The following LEPROT variants were observed in gnomAD, a reference collection of about 807,000 sequenced individuals.
LEPROT encodes leptin receptor gene-related protein.
LEPROT carries 3 observed loss-of-function variants against 15.4 expected under a neutral mutation model. The ratio of observed to expected loss-of-function variants is 0.19; its 90% CI spans 0.09 to 0.50. The LOEUF is 0.50. Among genes scored for constraint, LEPROT ranks in the 20% least tolerant of loss-of-function variants. The pLI is 0.97. For missense variants in LEPROT, 137 were observed against 162.2 expected (o/e 0.84, Z 0.84); for synonymous variants, 59 against 57.5 (o/e 1.03, Z -0.12).
Position 65,425,281 on chromosome 1 carries a change from C to CT in LEPROT, c.17-18dup, listed in dbSNP as rs1646338467. On this transcript the variant is annotated intron_variant, in intron 1 of 3. Coordinates refer to ENST00000371065, the MANE Select transcript of LEPROT (RefSeq NM_017526.5). Reference sequence around the variant, plus strand: ...ACAACCTCTACTGTGGGAACTTTAACTTTTGGCTTTATTTTTCACAGCTCT... The same window carrying CT: ...ACAACCTCTACTGTGGGAACTTTAACTTTTTGGCTTTATTTTTCACAGCTCT... 1.9e-6 allele frequency: 3 copies of CT among 1,610,610 alleles called. No homozygotes were observed. The African/African-American group carries it at 4.0e-5, about 22-fold the overall frequency.
At chr1:65,425,450 G>T in intron 2 of LEPROT, 72 bp downstream of exon 2, 2 of 1,350,608 alleles carry the variant, frequency 1.5e-6, no homozygotes, top group Non-Finnish European at 1.0e-6. Context: ...GTGTTAGAGA[G>T]TTCGGTCAAT....
chr1:65,435,039 C>G lies in LEPROT; in HGVS notation c.*3120C>G. 24 of 985,462 alleles carry G rather than the reference C, an allele frequency of 2.4e-5. No homozygotes were observed. The highest frequency in any genetic ancestry group is 2.9e-5 in the Non-Finnish European group (24 of 829,960). 61.0% of individuals were successfully genotyped at this position (985,462 alleles called of 1,614,324 possible). A position where few individuals can be genotyped will look rare whatever the true frequency, so the allele number is the denominator to read the frequency against. The stretch of plus-strand genomic sequence containing the variant: ...GAGAATGCCTCATAACCCACTGATT[C>G]TCATTCACAGAGAATGGGAGAACGG... On this transcript the variant is annotated 3_prime_UTR_variant, in exon 4 of 4. Coordinates refer to ENST00000371065, the MANE Select transcript of LEPROT (RefSeq NM_017526.5).
At position 65,425,746 on chromosome 1, in the gene LEPROT, G is replaced by A. The variant is rs543079614; in HGVS notation, c.92+368G>A. 2.6e-4 allele frequency among the ~76,000 whole-genome samples: 39 copies of A among 152,294 alleles called. 1 individual carries two copies. The highest frequency in any genetic ancestry group is 1.7e-3 in the South Asian group (8 of 4,818). Reference sequence around the variant, plus strand: ...ATGCCAGCACAGTACGCTGGAGCTCGGATAAAGTGCACCTGAGTTTCAGTG... The same window carrying A: ...ATGCCAGCACAGTACGCTGGAGCTCAGATAAAGTGCACCTGAGTTTCAGTG... On this transcript the variant is annotated intron_variant, in intron 2 of 3. Transcript: ENST00000371065.
intron 2 of LEPROT, 21 bp downstream of exon 2, chr1:65,425,399 G>T (rs1188259997): frequency 1.3e-6 from 2 of 1,576,306 alleles, no homozygotes. Context: ...ATTTCAAAAA[G>T]AACTATTCCT....
At chr1:65,427,128 T>A (rs1646392673) in intron 2 of LEPROT, among the ~76,000 whole-genome samples, 1 of 152,212 alleles carries the variant, frequency 6.6e-6, no homozygotes. Flanking sequence ...CCAAGAGGGA[T>A]CCAGATATAA....
At chr1:65,424,348 C>T (rs2101676807) in intron 1 of LEPROT, among the ~76,000 whole-genome samples, 1 of 152,214 alleles carries the variant, frequency 6.6e-6, no homozygotes, top group South Asian at 2.1e-4. Flanking sequence ...GGAGGCAGTT[C>T]TGGATATAAT....
chr1:65,434,458 G>A lies in LEPROT; in HGVS notation c.*2539G>A. 1.0e-6 allele frequency: 1 copy of A among 985,296 alleles called. No individual in the cohort carries two copies. Among genetic ancestry groups the A allele is most frequent in the Middle Eastern group, 5.2e-4 (1 of 1,914 alleles). 61.0% of individuals were successfully genotyped at this position (985,296 alleles called of 1,614,324 possible). The stretch of plus-strand genomic sequence containing the variant: ...TTCTTTATCATGTTTCAAACAAGTG[G>A]GTTACAAGCAGACTTTGAGACACTT... On this transcript the variant is annotated 3_prime_UTR_variant, in exon 4 of 4. Transcript: ENST00000371065.
At position 65,433,382 on chromosome 1, in the gene LEPROT, T is replaced by C. The variant is rs1156443027; in HGVS notation, c.*1463T>C. 2 of 985,352 alleles carry C rather than the reference T, an allele frequency of 2.0e-6. No individual in the cohort carries two copies. The highest frequency in any genetic ancestry group is 2.4e-6 in the Non-Finnish European group (2 of 829,952). The allele number at this position is 985,352 out of a possible 1,614,324, so 61.0% of individuals were successfully genotyped here. A position where few individuals can be genotyped will look rare whatever the true frequency, so the allele number is the denominator to read the frequency against. ...CATTGGGTATACCTGTCATGTTGGA[T>C]CCTGTAATCACAGTTTTCCCTGCTC... On this transcript the variant is annotated 3_prime_UTR_variant, in exon 4 of 4. Transcript: ENST00000371065.
At position 65,432,931 on chromosome 1, in the gene LEPROT, AAT is replaced by A. The variant is rs565057773; in HGVS notation, c.*1018_*1019del. On this transcript the variant is annotated 3_prime_UTR_variant, in exon 4 of 4. Coordinates refer to ENST00000371065, the MANE Select transcript of LEPROT (RefSeq NM_017526.5). Reference sequence around the variant, plus strand: ...CTATAAAAATATACAATAATTTGTCAATATATAATCAAAATAAAAAACAAAAC... The same window carrying A: ...CTATAAAAATATACAATAATTTGTCAATATAATCAAAATAAAAAACAAAAC... The A allele has an allele frequency of 8.3e-6, 8 of 969,272 alleles. No homozygotes were observed. The African/African-American group carries it at 1.4e-4, about 17-fold the overall frequency. 60.0% of individuals were successfully genotyped at this position (969,272 alleles called of 1,614,324 possible). A position where few individuals can be genotyped will look rare whatever the true frequency, so the allele number is the denominator to read the frequency against.
At chr1:65,425,593 C>G (rs931377082) in intron 2 of LEPROT, among the ~76,000 whole-genome samples, 1 of 152,144 alleles carries the variant, frequency 6.6e-6, no homozygotes, top group Non-Finnish European at 1.5e-5. Flanking sequence ...TTGTTTAACA[C>G]CTACTCTGGA....
intron 1 of LEPROT, among the ~76,000 whole-genome samples, chr1:65,423,828 A>AATTTG (rs780240664): frequency 2.0e-5 from 3 of 152,162 alleles, no homozygotes; most frequent in Non-Finnish European, 4.4e-5. Flanking sequence ...TTCAGAAGAA[A>AATTTG]ATTTGGATAA....
chr1:65,420,973 G>T (rs1646236048), intron 1 of LEPROT, among the ~76,000 whole-genome samples: 2 of 152,164 alleles, frequency 1.3e-5, no homozygotes, highest in Non-Finnish European at 2.9e-5. Context: ...CTGCTCTCCA[G>T]TGGCGGCACC....
Position 65,431,921 on chromosome 1 carries a change from A to G in LEPROT, c.*2A>G, listed in dbSNP as rs1646490861. 1 of 1,613,012 alleles carries G rather than the reference A, an allele frequency of 6.2e-7. No individual in the cohort carries two copies. The highest frequency in any genetic ancestry group is 1.7e-5 in the Admixed American group (1 of 59,774). On this transcript the variant is annotated 3_prime_UTR_variant, in exon 4 of 4. Coordinates refer to ENST00000371065, the MANE Select transcript of LEPROT (RefSeq NM_017526.5). ...GATTTTAGCTGGGAGCAGTGGTAGC[A>G]CTTTATTCTGATTACAGTGCATTGA...
intron 1 of LEPROT, among the ~76,000 whole-genome samples, chr1:65,422,199 G>A (rs1418036600): frequency 6.6e-6 from 1 of 152,166 alleles, no homozygotes; most frequent in Admixed American, 6.5e-5. Flanking sequence ...GGTTTAAGGT[G>A]GGCCCTAATC....
rs1044337412 is a variant in LEPROT, at chr1:65,434,154, T to C, written c.*2235T>C. 24 of 984,172 alleles carry C rather than the reference T, an allele frequency of 2.4e-5. No individual in the cohort carries two copies. The highest frequency in any genetic ancestry group is 2.8e-5 in the Non-Finnish European group (23 of 828,772). 61.0% of individuals were successfully genotyped at this position (984,172 alleles called of 1,614,324 possible). A position where few individuals can be genotyped will look rare whatever the true frequency, so the allele number is the denominator to read the frequency against. Reference sequence around the variant, plus strand: ...CTTGCATATAGAGTATTTGAAGTGATAGATTATTAGATTTGCTCTATGTCT... The same window carrying C: ...CTTGCATATAGAGTATTTGAAGTGACAGATTATTAGATTTGCTCTATGTCT... On this transcript the variant is annotated 3_prime_UTR_variant, in exon 4 of 4. Transcript: ENST00000371065.
intron 3 of LEPROT, 141 bp downstream of exon 3, chr1:65,430,189 T>C (rs1291533736): frequency 4.6e-6 from 3 of 648,002 alleles, no homozygotes; most frequent in African/African-American, 1.9e-5. Flanking sequence ...TCCTCTACTT[T>C]AGACCTGCCT....
At chr1:65,428,282 A>G (rs992816241) in intron 2 of LEPROT, among the ~76,000 whole-genome samples, 5 of 152,208 alleles carry the variant, frequency 3.3e-5, no homozygotes, top group African/African-American at 9.6e-5. Flanking sequence ...GAATGAAAAC[A>G]TAGAGTCAGA....
Position 65,432,018 on chromosome 1 carries a change from G to A in LEPROT, c.*99G>A. 3 of 1,470,370 alleles carry A rather than the reference G, an allele frequency of 2.0e-6. No homozygotes were observed. The highest frequency in any genetic ancestry group is 2.7e-6 in the Non-Finnish European group (3 of 1,114,388). The allele number at this position is 1,470,370 out of a possible 1,614,324, so 91.1% of individuals were successfully genotyped here. A position where few individuals can be genotyped will look rare whatever the true frequency, so the allele number is the denominator to read the frequency against. ...TTTACTATGAAATTTAATATGCTGG[G>A]TTTTTTAATACCTTTATATATCATG... is the stretch of plus-strand genomic sequence containing the variant. On this transcript the variant is annotated 3_prime_UTR_variant, in exon 4 of 4. Coordinates refer to ENST00000371065, the MANE Select transcript of LEPROT (RefSeq NM_017526.5).
rs1476955709 is a variant in LEPROT, at chr1:65,432,602, G to A, written c.*683G>A. The stretch of plus-strand genomic sequence containing the variant: ...AAAAAGTCTCACCTGCTTTCATGCT[G>A]AGGACAAGTTCAGATGTTCAAGCCT... On this transcript the variant is annotated 3_prime_UTR_variant, in exon 4 of 4. Transcript: ENST00000371065. The A allele has an allele frequency of 2.0e-6, 2 of 982,996 alleles. No individual in the cohort carries two copies. Among genetic ancestry groups the A allele is most frequent in the South Asian group, 4.7e-5 (1 of 21,224 alleles). The allele number at this position is 982,996 out of a possible 1,614,324, so 60.9% of individuals were successfully genotyped here.
Sources: allele counts gnomAD v4.1 joint callset (sites outside exome capture counted in the v4.1 genomes callset), GRCh38; gene constraint gnomAD v4.1.1; transcripts MANE v1.5; gene names NCBI Gene and HGNC (gene_info 2026-07-23, HGNC 2026-07-21).